Variants in MOB3B observed in about 807,000 individuals in gnomAD.
The protein encoded by MOB3B is MOB kinase activator 3B.
Under a neutral mutation model 18.7 loss-of-function variants are expected in MOB3B, and 7 were observed. The ratio of observed to expected loss-of-function variants is 0.37; its 90% CI spans 0.21 to 0.70. MOB3B has a LOEUF of 0.70. Ranked by LOEUF, MOB3B falls within the 30% of genes least tolerant of loss-of-function variation. The probability of loss-of-function intolerance (pLI) is 0.52; values close to 1 mark genes in which losing one functional copy is unlikely to be tolerated. For synonymous variants in MOB3B, 111 were observed against 99.9 expected (o/e 1.11, Z -0.66); for missense variants, 253 against 281.3 (o/e 0.90, Z 0.72).
At chr9:27,502,502 A>G (rs1208175416) in intron 1 of MOB3B, among the ~76,000 whole-genome samples, 3 of 152,228 alleles carry the variant, frequency 2.0e-5, no homozygotes, top group Admixed American at 2.0e-4. Context: ...TGCATTGGAT[A>G]TAGTGTTTAA....
chr9:27,344,024 C>G (rs1820996125), intron 3 of MOB3B, among the ~76,000 whole-genome samples: 1 of 151,876 alleles, frequency 6.6e-6, no homozygotes, highest in African/African-American at 2.4e-5. Flanking sequence ...GCATTTAATG[C>G]CACTGAACTG....
At chr9:27,421,063 C>T (rs1408026625) in intron 2 of MOB3B, 2 of 152,540 alleles carry the variant, frequency 1.3e-5, no homozygotes, top group Non-Finnish European at 2.9e-5. Flanking sequence ...CACCCACCTT[C>T]TCCCTACATG....
At chr9:27,404,220 A>T (rs1170187061) in intron 2 of MOB3B, among the ~76,000 whole-genome samples, 1 of 151,214 alleles carries the variant, frequency 6.6e-6, no homozygotes, top group Admixed American at 6.6e-5. Flanking sequence ...GGCTTATTTC[A>T]CTTAACATAA....
At chr9:27,502,516 C>G (rs1820005974) in intron 1 of MOB3B, among the ~76,000 whole-genome samples, 2 of 152,198 alleles carry the variant, frequency 1.3e-5, no homozygotes, top group Admixed American at 6.5e-5. Context: ...TGTTTAAGCA[C>G]AAAAACACCC....
chr9:27,443,082 G>T (rs1312657970), intron 2 of MOB3B, among the ~76,000 whole-genome samples: 1 of 152,132 alleles, frequency 6.6e-6, no homozygotes, highest in Non-Finnish European at 1.5e-5. Context: ...GCCACTTCCA[G>T]AATTTTTGAT....
chr9:27,356,379 C>A (rs2131353100), intron 3 of MOB3B, among the ~76,000 whole-genome samples: 1 of 152,234 alleles, frequency 6.6e-6, no homozygotes, highest in South Asian at 2.1e-4. Flanking sequence ...CCAAAGAGGC[C>A]CTTGTCTAGG....
At chr9:27,342,563 C>T (rs1424130436) in intron 3 of MOB3B, among the ~76,000 whole-genome samples, 2 of 152,150 alleles carry the variant, frequency 1.3e-5, no homozygotes, top group Non-Finnish European at 2.9e-5. Context: ...CCGCAACCTC[C>T]CTGCCTGATT....
At chr9:27,482,273 T>C (rs557670832) in intron 1 of MOB3B, among the ~76,000 whole-genome samples, 1 of 144,126 alleles carries the variant, frequency 6.9e-6, no homozygotes, top group African/African-American at 2.5e-5. Context: ...ATAAAGCACA[T>C]GGAGCCCCAC....
At chr9:27,438,481 A>T (rs1461942864) in intron 2 of MOB3B, among the ~76,000 whole-genome samples, 3 of 152,218 alleles carry the variant, frequency 2.0e-5, no homozygotes, top group Non-Finnish European at 2.9e-5. Flanking sequence ...GACCTAGCAG[A>T]TGGGCAAAGT....
chr9:27,516,531 A>G (rs1160089558), intron 1 of MOB3B, among the ~76,000 whole-genome samples: 1 of 152,228 alleles, frequency 6.6e-6, no homozygotes, highest in African/African-American at 2.4e-5. Flanking sequence ...ATAGAGCTTA[A>G]CTGAGAATAG....
At chr9:27,488,182 G>A (rs929432699) in intron 1 of MOB3B, among the ~76,000 whole-genome samples, 4 of 152,174 alleles carry the variant, frequency 2.6e-5, no homozygotes, top group African/African-American at 9.7e-5. Context: ...TTGTATCCAT[G>A]GGAGGCAGAG....
chr9:27,440,730 A>T (rs78589660), intron 2 of MOB3B, among the ~76,000 whole-genome samples: 26,724 of 150,926 alleles, frequency 0.18, 2,642 homozygotes, highest in Middle Eastern at 0.26. Flanking sequence ...CAGAAGATTC[A>T]TTTTTTTTTT....
At chr9:27,418,777 A>C (rs1241749306) in intron 2 of MOB3B, among the ~76,000 whole-genome samples, 1 of 152,180 alleles carries the variant, frequency 6.6e-6, no homozygotes, top group African/African-American at 2.4e-5. Context: ...CTGGAACAAG[A>C]CAAGAATGCC....
At chr9:27,475,792 A>G (rs1478407610) in intron 1 of MOB3B, among the ~76,000 whole-genome samples, 2 of 152,186 alleles carry the variant, frequency 1.3e-5, no homozygotes, top group Non-Finnish European at 2.9e-5. Context: ...CAAATTGCCA[A>G]CACATCCCAA....
At chr9:27,342,719 C>T (rs1587142189) in intron 3 of MOB3B, among the ~76,000 whole-genome samples, 2 of 152,164 alleles carry the variant, frequency 1.3e-5, no homozygotes, top group Non-Finnish European at 1.5e-5. Context: ...CTGCCTGCCT[C>T]GGCCTCCCGA....
At chr9:27,525,419 G>A (rs892404386) in intron 1 of MOB3B, among the ~76,000 whole-genome samples, 1 of 152,124 alleles carries the variant, frequency 6.6e-6, no homozygotes, top group Non-Finnish European at 1.5e-5. Flanking sequence ...GCTCCCTAGA[G>A]TCAATACTCT....
intron 1 of MOB3B, among the ~76,000 whole-genome samples, chr9:27,481,372 C>A (rs1819646460): frequency 6.6e-6 from 1 of 152,132 alleles, no homozygotes; most frequent in African/African-American, 2.4e-5. Flanking sequence ...ACTGAGTAAA[C>A]AGCCAGGTGT....
chr9:27,510,621 G>T (rs1402852418), intron 1 of MOB3B, among the ~76,000 whole-genome samples: 1 of 152,176 alleles, frequency 6.6e-6, no homozygotes, highest in East Asian at 1.9e-4. Flanking sequence ...AATATATATG[G>T]TGTTCTAAAT....
intron 1 of MOB3B, among the ~76,000 whole-genome samples, chr9:27,488,587 T>C (rs1819766650): frequency 6.6e-6 from 1 of 152,124 alleles, no homozygotes; most frequent in African/African-American, 2.4e-5. Flanking sequence ...TTTGTATTTT[T>C]AGTAGAGACA....
Sources: gnomAD v4.1 joint callset for allele counts (sites outside exome capture counted in the v4.1 genomes callset) on GRCh38, gnomAD v4.1.1 for gene constraint, MANE v1.5 for transcripts, NCBI Gene and HGNC (gene_info 2026-07-23, HGNC 2026-07-21) for gene names.